The following GPC4 variants were observed in gnomAD, a reference collection of about 807,000 sequenced individuals.
The protein encoded by GPC4 is glypican 4, also known as glypican-4.
In GPC4, 10 loss-of-function variants were observed where a neutral mutation model predicts 35.0. The observed-to-expected ratio is 0.29, with a 90% CI of 0.18 to 0.48. The LOEUF is 0.48. GPC4 is among the 20% of genes least tolerant of loss of function. GPC4 has a pLI of 0.99. For synonymous variants in GPC4, 167 were observed against 170.2 expected (o/e 0.98, Z 0.15); for missense variants, 322 against 451.3 (o/e 0.71, Z 2.60).
At chrX:133,401,417 G>GA (rs1183167156) in intron 1 of GPC4, among the ~76,000 whole-genome samples, 1 of 111,668 alleles carries the variant, frequency 9.0e-6, no homozygotes. Context: ...GTGAGACCAG[G>GA]ATAGTAGTCA....
At chrX:133,360,616 C>T (rs1232295310) in intron 1 of GPC4, among the ~76,000 whole-genome samples, 1 of 111,617 alleles carries the variant, frequency 9.0e-6, no homozygotes, top group Non-Finnish European at 1.9e-5. Context: ...CCCTCTGGAA[C>T]ATAGCCTTTA....
intron 1 of GPC4, among the ~76,000 whole-genome samples, chrX:133,381,124 G>C (rs182834829): frequency 8.9e-4 from 100 of 111,757 alleles, no homozygotes; most frequent in Non-Finnish European, 1.6e-3. Flanking sequence ...GGTGATAAAA[G>C]AACCGGGGTC....
chrX:133,351,288 A>G (rs1182760247), intron 1 of GPC4, among the ~76,000 whole-genome samples: 4 of 110,954 alleles, frequency 3.6e-5, no homozygotes, highest in Non-Finnish European at 7.5e-5. Context: ...CAATCATAAT[A>G]TTTGACGAAA....
At chrX:133,319,371 G>A (rs745619107) in intron 3 of GPC4, among the ~76,000 whole-genome samples, 1 of 93,794 alleles carries the variant, frequency 1.1e-5, no homozygotes, top group South Asian at 6.3e-4. Flanking sequence ...TTCAGTCCCA[G>A]AGATTGAGGC....
chrX:133,320,499 C>T (rs781409771), intron 3 of GPC4, among the ~76,000 whole-genome samples: 5 of 108,812 alleles, frequency 4.6e-5, no homozygotes, highest in South Asian at 8.3e-4. Context: ...GGGCGCATGC[C>T]TGTAATCCCA....
chrX:133,393,823 G>A (rs758056180), intron 1 of GPC4, among the ~76,000 whole-genome samples: 22 of 111,605 alleles, frequency 2.0e-4, no homozygotes, highest in Admixed American at 1.2e-3. Flanking sequence ...TCCATTTGTG[G>A]TACATATAAT....
intron 1 of GPC4, among the ~76,000 whole-genome samples, chrX:133,349,804 A>T (rs1166228518): frequency 9.0e-6 from 1 of 111,179 alleles, no homozygotes; most frequent in East Asian, 2.8e-4. Context: ...TATTTTTTGT[A>T]GAGATGGGGT....
At chrX:133,387,201 G>A (rs957712676) in intron 1 of GPC4, among the ~76,000 whole-genome samples, 4 of 112,088 alleles carry the variant, frequency 3.6e-5, no homozygotes, top group Non-Finnish European at 7.5e-5. Flanking sequence ...ATGGACAAAG[G>A]CCTACAGATA....
intron 3 of GPC4, among the ~76,000 whole-genome samples, chrX:133,318,008 T>C (rs1396422794): frequency 3.6e-5 from 4 of 112,236 alleles, no homozygotes; most frequent in Non-Finnish European, 5.6e-5. Context: ...ATGTGTCTTG[T>C]CTTTGTTTCA....
chrX:133,395,005 T>A (rs987440290), intron 1 of GPC4, among the ~76,000 whole-genome samples: 10 of 111,881 alleles, frequency 8.9e-5, no homozygotes, highest in Non-Finnish European at 1.7e-4. Context: ...TTTCTTTTTA[T>A]CAGATAAACA....
At chrX:133,368,999 A>G (rs1405849111) in intron 1 of GPC4, among the ~76,000 whole-genome samples, 1 of 111,694 alleles carries the variant, frequency 9.0e-6, no homozygotes, top group Non-Finnish European at 1.9e-5. Context: ...TTCGCATATC[A>G]AAGTCTAGGT....
chrX:133,353,286 T>C (rs1391159686), intron 1 of GPC4, among the ~76,000 whole-genome samples: 1 of 112,100 alleles, frequency 8.9e-6, no homozygotes, highest in Non-Finnish European at 1.9e-5. Flanking sequence ...GCCACTCTAA[T>C]TTGAGCCTGT....
intron 3 of GPC4, among the ~76,000 whole-genome samples, chrX:133,318,348 G>T (rs772139909): frequency 7.2e-4 from 81 of 112,212 alleles, no homozygotes; most frequent in African/African-American, 2.2e-3. Context: ...TAGGCTTCTT[G>T]GTTTCCCACA....
intron 1 of GPC4, among the ~76,000 whole-genome samples, chrX:133,342,000 G>A (rs760681843): frequency 9.4e-6 from 1 of 106,582 alleles, no homozygotes; most frequent in Non-Finnish European, 1.9e-5. Flanking sequence ...TGCTGATACT[G>A]GAACACTGGG....
intron 1 of GPC4, among the ~76,000 whole-genome samples, chrX:133,348,392 T>C (rs1286317844): frequency 8.9e-6 from 1 of 112,310 alleles, no homozygotes; most frequent in African/African-American, 3.2e-5. Flanking sequence ...AAAGGAATAG[T>C]AATACTACTA....
chrX:133,411,089 T>C (rs2068810911), intron 1 of GPC4, among the ~76,000 whole-genome samples: 2 of 112,693 alleles, frequency 1.8e-5, no homozygotes, highest in East Asian at 2.8e-4. Flanking sequence ...CCAACACACA[T>C]ACACACGTAC....
At chrX:133,343,587 GT>G (rs934940360) in intron 1 of GPC4, among the ~76,000 whole-genome samples, 1 of 111,454 alleles carries the variant, frequency 9.0e-6, no homozygotes, top group Non-Finnish European at 1.9e-5. Context: ...CCCTTGATTA[GT>G]TTTTTTCTTT....
intron 3 of GPC4, among the ~76,000 whole-genome samples, chrX:133,312,274 G>A (rs1422826162): frequency 2.7e-5 from 3 of 110,969 alleles, no homozygotes; most frequent in African/African-American, 9.9e-5. Context: ...GGGAAATAAG[G>A]TCAGGTGCAC....
At chrX:133,396,753 G>A (rs903620003) in intron 1 of GPC4, among the ~76,000 whole-genome samples, 1 of 111,775 alleles carries the variant, frequency 8.9e-6, no homozygotes, top group Non-Finnish European at 1.9e-5. Context: ...AAAGAAACAC[G>A]AACTTATCAC....
Sources: allele counts gnomAD v4.1 joint callset (sites outside exome capture counted in the v4.1 genomes callset), GRCh38; gene constraint gnomAD v4.1.1; transcripts MANE v1.5; gene names NCBI Gene and HGNC (gene_info 2026-07-23, HGNC 2026-07-21).